C9orf50: variants seen among roughly 807,000 people sequenced by gnomAD.
C9orf50 encodes chromosome 9 open reading frame 50, also known as uncharacterized protein C9orf50.
In C9orf50, 33 loss-of-function variants were observed where a neutral mutation model predicts 42.5. The ratio of observed to expected loss-of-function variants is 0.78; its 90% confidence interval spans 0.59 to 1.04. The LOEUF (loss-of-function observed/expected upper bound fraction) is 1.04, where lower values mean the gene tolerates loss of function less well. Among genes scored for constraint, C9orf50 ranks in the 50% least tolerant of loss-of-function variants. The probability of loss-of-function intolerance (pLI) is 0.00; values close to 1 mark genes in which losing one functional copy is unlikely to be tolerated. For synonymous variants in C9orf50, 257 were observed against 273.4 expected (o/e 0.94, Z 0.59); for missense variants, 547 against 594.3 (o/e 0.92, Z 0.83).
chr9:129,619,387 A>G (rs867489724), intron 3 of C9orf50, 133 bp downstream of exon 3: 2 of 697,810 alleles, frequency 2.9e-6, no homozygotes, highest in South Asian at 3.5e-5. Flanking sequence ...ATTCACGGAC[A>G]GCCATATGTA....
intron 6 of C9orf50, among the ~76,000 whole-genome samples, 153 bp downstream of exon 6, chr9:129,612,952 CAG>C (rs1477673300): frequency 2.6e-4 from 39 of 152,168 alleles, no homozygotes; most frequent in African/African-American, 8.9e-4. Flanking sequence ...TGCAGGAACA[CAG>C]GGCGTGGCCA....
At position 129,620,653 on chromosome 9, in the gene C9orf50, C is replaced by A. The variant is rs978541254; in HGVS notation, c.-79G>T. ...CCGGCTGAGGTGGGGAGGGCATAGT[C>A]CAGCCCCAGGCCATAGTGCCCCGGG... On this transcript the variant is annotated 5_prime_UTR_variant, in exon 1 of 7. Coordinates refer to ENST00000372478, the Ensembl canonical transcript of C9orf50. The surrounding 1 kb of genome is among the most constrained non-coding windows in gnomAD (Gnocchi z 5.8). 2 of 1,224,964 alleles carry A rather than the reference C, an allele frequency of 1.6e-6. No homozygotes were observed. Among genetic ancestry groups the A allele is most frequent in the African/African-American group, 3.1e-5 (2 of 64,232 alleles). The allele number at this position is 1,224,964 out of a possible 1,614,324, so 75.9% of individuals were successfully genotyped here.
At position 129,613,453 on chromosome 9, in the gene C9orf50, C is replaced by T; in HGVS notation, c.1025G>A (p.Cys342Tyr). Residue 342 changes from cysteine to tyrosine, a missense_variant, in exon 5 of 7, where the codon TGT becomes TAT. This residue lies in a region of C9orf50 where 334 missense variants were observed against 323.7 expected (regional missense o/e 1.03). Coordinates refer to ENST00000372478, the Ensembl canonical transcript of C9orf50. The surrounding 1 kb of genome is among the most constrained non-coding windows in gnomAD (Gnocchi z 6.2). Reference sequence around the variant, plus strand: ...GCCTCACAGGCCAGCGCAGTCCCAACACGAGGAGCTGGCCAGGGTCTCCTC... The same window carrying T: ...GCCTCACAGGCCAGCGCAGTCCCAATACGAGGAGCTGGCCAGGGTCTCCTC... The T allele has an allele frequency of 6.2e-7, 1 of 1,614,040 alleles. No homozygotes were observed. Among genetic ancestry groups the T allele is most frequent in the Non-Finnish European group, 8.5e-7 (1 of 1,180,036 alleles).
chr9:129,612,542 G>C, intron 6 of C9orf50, 88 bp from the exon 7 acceptor site: 1 of 994,584 alleles, frequency 1.0e-6, no homozygotes. Context: ...CTGAAGCCCT[G>C]TTGGGCAGGT....
rs779416954 is a variant in C9orf50, at chr9:129,613,255, G to A, written c.1044-4C>T. 9.4e-6 allele frequency: 15 copies of A among 1,600,408 alleles called. No individual in the cohort carries two copies. In the East Asian group the frequency reaches 3.4e-4, roughly 36 times the overall value. On this transcript the variant is annotated splice_region_variant and splice_polypyrimidine_tract_variant and intron_variant, in intron 5 of 6. Transcript: ENST00000372478. This position sits in a 1 kb window ranked among gnomAD's most constrained non-coding sequence, Gnocchi z 6.2. ...GCCCTGTGTCTTCTGGGTGGACCTG[G>A]GGGAGACAGGACCCCATGAGCTTCC...
Position 129,613,370 on chromosome 9 carries a change from T to C in C9orf50, c.1043+65A>G. The C allele has an allele frequency of 6.3e-7, 1 of 1,590,228 alleles. No homozygotes were observed. Among genetic ancestry groups the C allele is most frequent in the South Asian group, 1.1e-5 (1 of 89,052 alleles). ...GCCTGCTGCTGGGTGGGGAGGTCTG[T>C]AGGCAAGGGGGGTGGAGGGCCCTGG... On this transcript the variant is annotated intron_variant, in intron 5 of 6. Coordinates refer to ENST00000372478, the Ensembl canonical transcript of C9orf50. This position sits in a 1 kb window ranked among gnomAD's most constrained non-coding sequence, Gnocchi z 6.2.
rs1353797482 is a variant in C9orf50 at position 129,613,123 on chromosome 9, T to C, written c.1172A>G (p.His391Arg). 6.2e-7 allele frequency: 1 copy of C among 1,613,866 alleles called. No individual in the cohort carries two copies. Among genetic ancestry groups the C allele is most frequent in the Non-Finnish European group, 8.5e-7 (1 of 1,179,990 alleles). The change falls in exon 6 of 7, where the codon CAC becomes CGC. Residue 391 changes from histidine (H) to arginine (R), a missense_variant. Coordinates refer to ENST00000372478, the Ensembl canonical transcript of C9orf50. This position sits in a 1 kb window ranked among gnomAD's most constrained non-coding sequence, Gnocchi z 6.2. ...TTTGCCCACCTGCTCCAGGTTTCTG[T>C]GCGGGTCCAAGAAGGCTCGGAGGCT...
At position 129,613,203 on chromosome 9, in the gene C9orf50, G is replaced by T. The variant is rs775115872; in HGVS notation, c.1092C>A (p.Asn364Lys). The change falls in exon 6 of 7, where the codon AAC becomes AAA. Residue 364 changes from asparagine to lysine, a missense_variant. By Grantham distance (94) the Asn-to-Lys change is moderately conservative. This residue lies in a region of C9orf50 where 334 missense variants were observed against 323.7 expected (regional missense o/e 1.03). Coordinates refer to ENST00000372478, the Ensembl canonical transcript of C9orf50. This position sits in a 1 kb window ranked among gnomAD's most constrained non-coding sequence, Gnocchi z 6.2. ...TCCATGAACAGAAGGGCAGGCTGCT[G>T]TTCATGGAGGTGTCCTCAGAAAGGT... The T allele has an allele frequency of 1.2e-6, 2 of 1,613,458 alleles. No individual in the cohort carries two copies. The highest frequency in any genetic ancestry group is 1.7e-6 in the Non-Finnish European group (2 of 1,179,928).
chr9:129,619,698 G>T, intron 2 of C9orf50, 42 bp downstream of exon 2: 1 of 1,612,140 alleles, frequency 6.2e-7, no homozygotes, highest in Non-Finnish European at 8.5e-7. Context: ...TGGAAACATC[G>T]ATGGCAACCC....
exon 4 of C9orf50, chr9:129,615,532 C>G (rs142148319): frequency 3.1e-6 from 5 of 1,611,006 alleles, no homozygotes; most frequent in South Asian, 1.1e-5. Context: ...TGCAGGGTCT[C>G]GTCAGCGAAT....
chr9:129,615,485 T>A (rs551125031), exon 4 of C9orf50: 8 of 1,589,284 alleles, frequency 5.0e-6, no homozygotes, highest in Non-Finnish European at 6.8e-6. Flanking sequence ...TCTGCTTACC[T>A]GAGCGTCTGC....
chr9:129,612,559 G>T, intron 6 of C9orf50, 105 bp from the exon 7 acceptor site: 1 of 805,252 alleles, frequency 1.2e-6, no homozygotes, highest in Non-Finnish European at 2.0e-6. Flanking sequence ...AGGTAGTGCT[G>T]TCAGCCCCAT....
chr9:129,614,972 G>A lies in C9orf50; in HGVS notation c.880+512C>T, dbSNP rs1830282701. ...GACACCATTACATCCAGGGTCTGGT[G>A]GCTCTTAGCTTCCTTGCTGGACCTG... On this transcript the variant is annotated intron_variant, in intron 4 of 6. Coordinates refer to ENST00000372478, the Ensembl canonical transcript of C9orf50. The surrounding 1 kb of genome is among the most constrained non-coding windows in gnomAD (Gnocchi z 4.4). 6.6e-6 allele frequency among the ~76,000 whole-genome samples: 1 copy of A among 152,182 alleles called. No homozygotes were observed.
chr9:129,612,363 T>C, exon 7 of C9orf50: 1 of 1,613,776 alleles, frequency 6.2e-7, no homozygotes, highest in Non-Finnish European at 8.5e-7. Context: ...CTTATCTGGC[T>C]GCAGTGTTGC....
chr9:129,617,008 A>G (rs1162092439), intron 3 of C9orf50, among the ~76,000 whole-genome samples: 1 of 152,136 alleles, frequency 6.6e-6, no homozygotes, highest in African/African-American at 2.4e-5. Context: ...TAGAGGTTGC[A>G]GTGAGCCGAG....
chr9:129,613,207 A>C lies in C9orf50; in HGVS notation c.1088T>G (p.Met363Arg). The change falls in exon 6 of 7, where the codon ATG becomes AGG. Residue 363 changes from methionine to arginine, a missense_variant. Met to Arg is a moderately conservative substitution (Grantham distance 91, BLOSUM62 -1). Transcript: ENST00000372478. The surrounding 1 kb of genome is among the most constrained non-coding windows in gnomAD (Gnocchi z 6.2). ...TGAACAGAAGGGCAGGCTGCTGTTC[A>C]TGGAGGTGTCCTCAGAAAGGTAGCC... The C allele has an allele frequency of 2.5e-6, 4 of 1,613,406 alleles. No individual in the cohort carries two copies. Among genetic ancestry groups the C allele is most frequent in the Admixed American group, 1.7e-5 (1 of 60,006 alleles).
intron 4 of C9orf50, among the ~76,000 whole-genome samples, chr9:129,615,264 G>A (rs919103355): frequency 2.0e-5 from 3 of 152,194 alleles, no homozygotes; most frequent in African/African-American, 4.8e-5. Context: ...TGCTGCCTGC[G>A]TTGGAACACC....
chr9:129,616,675 A>G (rs1830406376), intron 3 of C9orf50, among the ~76,000 whole-genome samples: 1 of 152,230 alleles, frequency 6.6e-6, no homozygotes, highest in East Asian at 1.9e-4. Context: ...TGAGTATCAA[A>G]TGATTTACAT....
At chr9:129,616,234 G>A (rs2118869386) in intron 3 of C9orf50, among the ~76,000 whole-genome samples, 1 of 152,282 alleles carries the variant, frequency 6.6e-6, no homozygotes, top group East Asian at 1.9e-4. Flanking sequence ...TTTTGTTTTT[G>A]AGACAGATTC....
Sources: allele counts gnomAD v4.1 joint callset (sites outside exome capture counted in the v4.1 genomes callset), GRCh38; gene constraint gnomAD v4.1.1; regional missense constraint gnomAD v4.1.1; non-coding constraint Gnocchi (gnomAD v3.1); transcripts MANE v1.5; gene names NCBI Gene and HGNC (gene_info 2026-07-23, HGNC 2026-07-21).